Variants in TTBK1 observed in about 807,000 individuals in gnomAD.
TTBK1 encodes the protein tau tubulin kinase 1, also known as tau-tubulin kinase 1.
TTBK1 carries 34 observed loss-of-function variants against 108.5 expected under a neutral mutation model. The observed-to-expected ratio is 0.31, with a 90% CI of 0.24 to 0.42. The LOEUF is 0.42. TTBK1 is among the 10% of genes least tolerant of loss of function. TTBK1 has a pLI of 1.00. For synonymous variants in TTBK1, 809 were observed against 795.1 expected (o/e 1.02, Z -0.29); for missense variants, 1,539 against 1,826.0 (o/e 0.84, Z 2.86).
In TTBK1 at chr6:43,259,585, G is replaced by A. The variant is rs1317483946; in HGVS notation, c.1303G>A (p.Val435Met). Residue 435 changes from valine to methionine, a missense_variant, in exon 12 of 15, where the codon GTG becomes ATG. Coordinates refer to ENST00000259750, the MANE Select transcript of TTBK1 (RefSeq NM_032538.3). This position sits in a 1 kb window ranked among gnomAD's most constrained non-coding sequence, Gnocchi z 6.7. Reference sequence around the variant, plus strand: ...AGGCATGGGGGTCCCCAGCTCCCCAGTGCGTGCCCCCCCAGACTCCCCCAC... The same window carrying A: ...AGGCATGGGGGTCCCCAGCTCCCCAATGCGTGCCCCCCCAGACTCCCCCAC... ...SRGMGVPSSP[V>M]RAPPDSPTTP... is the part of the protein sequence containing the mutation. 1.2e-6 allele frequency: 2 copies of A among 1,610,746 alleles called. No homozygotes were observed. Among genetic ancestry groups the A allele is most frequent in the African/African-American group, 1.3e-5 (1 of 75,008 alleles).
intron 13 of TTBK1, among the ~76,000 whole-genome samples, chr6:43,264,587 G>C (rs1008026835): frequency 6.6e-6 from 1 of 152,150 alleles, no homozygotes; most frequent in Non-Finnish European, 1.5e-5. Flanking sequence ...GCTGAGAGGT[G>C]CTCACATCTA....
At position 43,288,218 on chromosome 6, in the gene TTBK1, G is replaced by A. The variant is rs1778431959; in HGVS notation, c.*2842G>A. ...TCAATGATTAGATCGGGTCTCGGAA[G>A]GGAAGTAGCCATCACACCATTAAAA... On this transcript the variant is annotated 3_prime_UTR_variant, in exon 15 of 15. Transcript: ENST00000259750. The surrounding 1 kb of genome is among the most constrained non-coding windows in gnomAD (Gnocchi z 4.4). 1 of 152,762 alleles carries A rather than the reference G, an allele frequency of 6.5e-6. No individual in the cohort carries two copies. The highest frequency in any genetic ancestry group is 1.5e-5 in the Non-Finnish European group (1 of 68,100). The allele number at this position is 152,762 out of a possible 1,614,324, so 9.5% of individuals were successfully genotyped here. A position where few individuals can be genotyped will look rare whatever the true frequency, so the allele number is the denominator to read the frequency against.
intron 2 of TTBK1, 88 bp downstream of exon 2, chr6:43,246,856 C>T: frequency 9.8e-7 from 1 of 1,021,704 alleles, no homozygotes; most frequent in Non-Finnish European, 1.4e-6. Flanking sequence ...GCCCTCCGCT[C>T]CCCTACCCTA....
intron 13 of TTBK1, among the ~76,000 whole-genome samples, chr6:43,274,224 C>T (rs1190684154): frequency 6.6e-6 from 1 of 152,224 alleles, no homozygotes. Flanking sequence ...CGCTAACATC[C>T]TGAACCCAAC....
intron 13 of TTBK1, among the ~76,000 whole-genome samples, chr6:43,267,836 C>T (rs1333869807): frequency 6.6e-6 from 1 of 152,094 alleles, no homozygotes; most frequent in African/African-American, 2.4e-5. Context: ...CAGACACTGC[C>T]CGGCAGCCAC....
Position 43,257,927 on chromosome 6 carries a change from C to T in TTBK1, c.977C>T (p.Pro326Leu), listed in dbSNP as rs201995632. The change falls in exon 10 of 15, where the codon CCG becomes CTG. Residue 326 changes from proline (P) to leucine (L), a missense_variant. Pro to Leu is a moderately conservative substitution (Grantham distance 98). Transcript: ENST00000259750. This position sits in a 1 kb window ranked among gnomAD's most constrained non-coding sequence, Gnocchi z 4.5. The stretch of plus-strand genomic sequence containing the variant: ...CTCCTGTCCACGAGCACCTCTACCC[C>T]GCCCCAGCAGAACACCCGGCAGACG... ...DALLSTSTST[P>L]PQQNTRQTAA... 1.5e-5 allele frequency: 24 copies of T among 1,613,860 alleles called. No homozygotes were observed. In the East Asian group the frequency reaches 3.3e-4, roughly 22 times the overall value.
In TTBK1 at chr6:43,265,123, T is replaced by C. The variant is rs1777641224; in HGVS notation, c.1986+1773T>C. 6.6e-6 allele frequency among the ~76,000 whole-genome samples: 1 copy of C among 152,014 alleles called. No individual in the cohort carries two copies. Among genetic ancestry groups the C allele is most frequent in the Non-Finnish European group, 1.5e-5 (1 of 67,974 alleles). On this transcript the variant is annotated intron_variant, in intron 13 of 14. Transcript: ENST00000259750. This position sits in a 1 kb window ranked among gnomAD's most constrained non-coding sequence, Gnocchi z 4.1. ...GGGGTCCATGAACCCACAGAGGGGC[T>C]GGGGAGAGTCATGGAGGGGATGCCG...
chr6:43,254,467 C>A, intron 5 of TTBK1, 80 bp from the exon 6 acceptor site: 1 of 967,626 alleles, frequency 1.0e-6, no homozygotes, highest in Non-Finnish European at 1.5e-6. Flanking sequence ...TCACCAGCTG[C>A]AGAGCTGTTT....
rs1362015551 is a variant in TTBK1 at position 43,269,760 on chromosome 6, G to T, written c.1986+6410G>T. ...GACGGAGCATTACCCTCACCCCGGCGGCGGCGGCTCCTCGGGCTCCTCCGG... is the reference window on the plus strand; with the variant it reads ...GACGGAGCATTACCCTCACCCCGGCTGCGGCGGCTCCTCGGGCTCCTCCGG... On this transcript the variant is annotated intron_variant, in intron 13 of 14. Coordinates refer to ENST00000259750, the MANE Select transcript of TTBK1 (RefSeq NM_032538.3). This position sits in a 1 kb window ranked among gnomAD's most constrained non-coding sequence, Gnocchi z 4.8. 6.2e-7 allele frequency: 1 copy of T among 1,600,500 alleles called. No homozygotes were observed. The highest frequency in any genetic ancestry group is 8.5e-7 in the Non-Finnish European group (1 of 1,177,044).
rs1215230794 is a variant in TTBK1 at position 43,257,220 on chromosome 6, CT to C, written c.862-591del. 6.6e-6 allele frequency among the ~76,000 whole-genome samples: 1 copy of C among 152,234 alleles called. No homozygotes were observed. The highest frequency in any genetic ancestry group is 1.5e-5 in the Non-Finnish European group (1 of 68,046). ...ACCCAGGGCCTGGCAGAGACGCCCCCTGATCTTGGCTTAGCCTCATGGGATC... is the reference window on the plus strand; with the variant it reads ...ACCCAGGGCCTGGCAGAGACGCCCCCGATCTTGGCTTAGCCTCATGGGATC... On this transcript the variant is annotated intron_variant, in intron 9 of 14. Coordinates refer to ENST00000259750, the MANE Select transcript of TTBK1 (RefSeq NM_032538.3). The surrounding 1 kb of genome is among the most constrained non-coding windows in gnomAD (Gnocchi z 4.5).
Position 43,285,291 on chromosome 6 carries a change from A to G in TTBK1, c.3881A>G (p.Lys1294Arg). 7.7e-7 allele frequency: 1 copy of G among 1,291,886 alleles called. No homozygotes were observed. Among genetic ancestry groups the G allele is most frequent in the Non-Finnish European group, 9.8e-7 (1 of 1,023,834 alleles). The allele number at this position is 1,291,886 out of a possible 1,614,324, so 80.0% of individuals were successfully genotyped here. The change falls in exon 15 of 15, where the codon AAA (lysine) becomes AGA (arginine). Residue 1294 changes from lysine (K) to arginine (R), a missense_variant. Lys to Arg is a conservative substitution (Grantham distance 26). Around this residue, in one of 5 missense-constraint regions of TTBK1, gnomAD observed 1,055 missense variants for 1,086.5 expected, o/e 0.97. Transcript: ENST00000259750. This position sits in a 1 kb window ranked among gnomAD's most constrained non-coding sequence, Gnocchi z 4.7. The stretch of plus-strand genomic sequence containing the variant: ...ACCCCCTCCCCCGGGGGCTCCAAGA[A>G]AGGACCCAGAGGGAAACTCCAGGCT... ...DGTPSPGGSK[K>R]GPRGKLQAQR...
Position 43,283,014 on chromosome 6 carries a change from G to T in TTBK1, c.2274G>T (p.Glu758Asp), listed in dbSNP as rs773154253. 1.3e-6 allele frequency: 2 copies of T among 1,595,130 alleles called. No individual in the cohort carries two copies. Among genetic ancestry groups the T allele is most frequent in the East Asian group, 4.5e-5 (2 of 44,214 alleles). The change falls in exon 14 of 15, where the codon GAG becomes GAT. Residue 758 changes from glutamate to aspartate, a missense_variant. Physicochemically the swap from Glu to Asp is conservative, Grantham distance 45. Around this residue, in one of 5 missense-constraint regions of TTBK1, gnomAD observed 1,055 missense variants for 1,086.5 expected, o/e 0.97. Transcript: ENST00000259750. The surrounding 1 kb of genome is among the most constrained non-coding windows in gnomAD (Gnocchi z 8.1). ...AAGAAGAAGAGGAGGAAGAGGAAGA[G>T]GAGGAGGAAGAAGAGGAGGAGGAGG... The part of the protein sequence containing the change: ...DEEEEEEEEE[E>D]EEEEEEEEEE...
chr6:43,273,636 C>T lies in TTBK1; in HGVS notation c.1987-9091C>T, dbSNP rs1262345190. 2.0e-5 allele frequency among the ~76,000 whole-genome samples: 3 copies of T among 152,150 alleles called. No homozygotes were observed. Among genetic ancestry groups the T allele is most frequent in the Non-Finnish European group, 4.4e-5 (3 of 68,032 alleles). On this transcript the variant is annotated intron_variant, in intron 13 of 14. Transcript: ENST00000259750. This position sits in a 1 kb window ranked among gnomAD's most constrained non-coding sequence, Gnocchi z 4.2. ...TCACCAACTCGTACATCAACAAGAT[C>T]CAAACAGTGTCAGGGAAGTGGCAGG...
At chr6:43,274,461 T>C (rs1438035390) in intron 13 of TTBK1, among the ~76,000 whole-genome samples, 1 of 152,136 alleles carries the variant, frequency 6.6e-6, no homozygotes, top group Admixed American at 6.5e-5. Context: ...TGTAAATGTA[T>C]TTATATGGAG....
In TTBK1 at chr6:43,284,080, AGT is replaced by A; in HGVS notation, c.3342_3343del (p.Ser1114ArgfsTer8). 6.5e-7 allele frequency: 1 copy of A among 1,539,202 alleles called. No individual in the cohort carries two copies. Among genetic ancestry groups the A allele is most frequent in the South Asian group, 1.2e-5 (1 of 84,628 alleles). On this transcript the variant is annotated frameshift_variant, in exon 14 of 15. Transcript: ENST00000259750. LOFTEE classifies it high-confidence loss of function. ...GGCCTCAGGGGCCTCGTCCTCCTCC[AGT>A]GAGGAGCAGCGCCGTGCCTCTGAGA... ...RLASGASSSS[S>X]EEQRRASETL...
In TTBK1 at chr6:43,283,486, G is replaced by A. The variant is rs750199460; in HGVS notation, c.2746G>A (p.Val916Met). 38 of 1,614,020 alleles carry A rather than the reference G, an allele frequency of 2.4e-5. 1 individual carries two copies. The highest frequency in any genetic ancestry group is 1.4e-4 in the South Asian group (13 of 91,092). ...AGTVTTGVGG[V>M]AVTSSPFTKV... Reference sequence around the variant, plus strand: ...GACAGTGACCACAGGGGTCGGGGGCGTGGCAGTCACCTCCTCACCCTTCAC... The same window carrying A: ...GACAGTGACCACAGGGGTCGGGGGCATGGCAGTCACCTCCTCACCCTTCAC... Residue 916 changes from valine to methionine, a missense_variant, in exon 14 of 15, where the codon GTG (valine) becomes ATG (methionine). Coordinates refer to ENST00000259750, the MANE Select transcript of TTBK1 (RefSeq NM_032538.3). The surrounding 1 kb of genome is among the most constrained non-coding windows in gnomAD (Gnocchi z 8.1).
rs1334987619 is a variant in TTBK1, at chr6:43,285,355, G to A, written c.3945G>A (p.Glu1315=). The A allele has an allele frequency of 2.7e-5, 35 of 1,282,490 alleles. No individual in the cohort carries two copies. Among genetic ancestry groups the A allele is most frequent in the Non-Finnish European group, 3.3e-5 (34 of 1,019,718 alleles). 79.4% of individuals were successfully genotyped at this position (1,282,490 alleles called of 1,614,324 possible). A position where few individuals can be genotyped will look rare whatever the true frequency, so the allele number is the denominator to read the frequency against. The stretch of plus-strand genomic sequence containing the variant: ...CCAAAGGCCGGGCAGGAGGCGCGGA[G>A]GGCCGGGCTGGGGCCAGATAATGAC... ...ATTKGRAGGA[E]GRAGAR Residue 1315 remains glutamate, a synonymous_variant, in exon 15 of 15, where the codon GAG becomes GAA. Transcript: ENST00000259750. This position sits in a 1 kb window ranked among gnomAD's most constrained non-coding sequence, Gnocchi z 4.7.
chr6:43,276,146 C>T lies in TTBK1; in HGVS notation c.1987-6581C>T, dbSNP rs1479163909. Among the ~76,000 whole-genome samples the T allele has an allele frequency of 6.6e-6, 1 of 152,082 alleles. No homozygotes were observed. The highest frequency in any genetic ancestry group is 1.5e-5 in the Non-Finnish European group (1 of 68,010). On this transcript the variant is annotated intron_variant, in intron 13 of 14. Transcript: ENST00000259750. This position sits in a 1 kb window ranked among gnomAD's most constrained non-coding sequence, Gnocchi z 5.4. ...CAGTCGGTTTATTCCTGAGCCTTCC[C>T]CTCCCATCGTAAGTCCTTCCCTCGA...
chr6:43,282,592 G>A lies in TTBK1; in HGVS notation c.1987-135G>A. 1.4e-6 allele frequency: 1 copy of A among 724,388 alleles called. No homozygotes were observed. The highest frequency in any genetic ancestry group is 1.8e-5 in the South Asian group (1 of 56,428). The allele number at this position is 724,388 out of a possible 1,614,324, so 44.9% of individuals were successfully genotyped here. A position where few individuals can be genotyped will look rare whatever the true frequency, so the allele number is the denominator to read the frequency against. On this transcript the variant is annotated intron_variant, in intron 13 of 14. Coordinates refer to ENST00000259750, the MANE Select transcript of TTBK1 (RefSeq NM_032538.3). The surrounding 1 kb of genome is among the most constrained non-coding windows in gnomAD (Gnocchi z 5.4). ...TGAACAAGACAGACCCAGTGCCTGTGCTTAACTTTATGGAGCTCACACTCT... is the reference window on the plus strand; with the variant it reads ...TGAACAAGACAGACCCAGTGCCTGTACTTAACTTTATGGAGCTCACACTCT...
Sources: allele counts gnomAD v4.1 joint callset (sites outside exome capture counted in the v4.1 genomes callset), GRCh38; gene constraint gnomAD v4.1.1; regional missense constraint gnomAD v4.1.1; non-coding constraint Gnocchi (gnomAD v3.1); transcripts MANE v1.5; gene names NCBI Gene and HGNC (gene_info 2026-07-23, HGNC 2026-07-21).